The following EPHA3 variants were observed in gnomAD, a reference collection of about 807,000 sequenced individuals.
EPHA3 encodes the protein EPH receptor A3.
In EPHA3, 42 loss-of-function variants were observed where a neutral mutation model predicts 107.1. That is an observed-to-expected ratio of 0.39 (90% confidence interval 0.31 to 0.51). EPHA3 has a LOEUF of 0.51. EPHA3 is among the 20% of genes least tolerant of loss of function. The probability of loss-of-function intolerance (pLI) is 0.78; values close to 1 mark genes in which losing one functional copy is unlikely to be tolerated. For missense variants in EPHA3, 1,183 were observed against 1,211.2 expected (o/e 0.98, Z 0.35); for synonymous variants, 461 against 424.8 (o/e 1.09, Z -1.05).
chr3:89,359,180 A>G (rs1708032603), intron 5 of EPHA3, among the ~76,000 whole-genome samples: 1 of 151,208 alleles, frequency 6.6e-6, no homozygotes, highest in Non-Finnish European at 1.5e-5. Context: ...GACAATGTCT[A>G]AAGTTTAGAA....
chr3:89,345,054 G>A (rs1349965143), intron 5 of EPHA3, among the ~76,000 whole-genome samples: 9 of 151,108 alleles, frequency 6.0e-5, no homozygotes, highest in Non-Finnish European at 1.0e-4. Context: ...TTCACAGAAT[G>A]AGTATATTCA....
intron 2 of EPHA3, among the ~76,000 whole-genome samples, chr3:89,204,975 T>G (rs547667873): frequency 1.3e-5 from 2 of 152,212 alleles, no homozygotes; most frequent in Non-Finnish European, 2.9e-5. Context: ...AAATTGGTGT[T>G]TCTTATAAAC....
intron 3 of EPHA3, among the ~76,000 whole-genome samples, chr3:89,251,469 T>A (rs765684013): frequency 6.6e-6 from 1 of 152,082 alleles, no homozygotes; most frequent in Non-Finnish European, 1.5e-5. Context: ...CACTCAAATT[T>A]ATGAAAGCAT....
intron 3 of EPHA3, among the ~76,000 whole-genome samples, chr3:89,219,689 T>TGTTTTTTTTTGTTTTTTTTTTG (rs1265976438): frequency 1.8e-4 from 3 of 16,612 alleles, no homozygotes; most frequent in South Asian, 2.0e-3. Context: ...TTTGGCAATG[T>TGTTTTTTTTTGTTTTTTTTTTG]TTTTTTTTTT....
intron 2 of EPHA3, among the ~76,000 whole-genome samples, chr3:89,189,691 T>A (rs1025766493): frequency 2.0e-5 from 3 of 152,240 alleles, no homozygotes; most frequent in Admixed American, 2.0e-4. Context: ...TACTTTGAGT[T>A]CTGTATTGCT....
At chr3:89,380,288 C>T (rs1038870172) in intron 5 of EPHA3, among the ~76,000 whole-genome samples, 22 of 152,146 alleles carry the variant, frequency 1.4e-4, no homozygotes, top group African/African-American at 4.6e-4. Flanking sequence ...CAATTTCTTT[C>T]TCACTCGCCT....
chr3:89,231,929 G>T lies in EPHA3; in HGVS notation c.814+21409G>T, dbSNP rs117823638. On this transcript the variant is annotated intron_variant, in intron 3 of 16. Coordinates refer to ENST00000336596, the MANE Select transcript of EPHA3 (RefSeq NM_005233.6). Reference sequence around the variant, plus strand: ...GAAAGGTTATGATCTAATAATAATGGTTTACTTAACAAGGCTGTTAATGGA... The same window carrying T: ...GAAAGGTTATGATCTAATAATAATGTTTTACTTAACAAGGCTGTTAATGGA... Among the ~76,000 whole-genome samples the T allele has an allele frequency of 2.3e-3, 353 of 152,218 alleles. 9 individuals are homozygous for T. The East Asian group carries it at 0.061, about 26-fold the overall frequency.
At chr3:89,132,433 A>G (rs1704226516) in intron 2 of EPHA3, among the ~76,000 whole-genome samples, 1 of 152,218 alleles carries the variant, frequency 6.6e-6, no homozygotes, top group Non-Finnish European at 1.5e-5. Context: ...AGTGTTATTT[A>G]TATTTTCCAG....
intron 1 of EPHA3, among the ~76,000 whole-genome samples, chr3:89,115,482 A>G (rs1291306738): frequency 6.6e-6 from 1 of 152,140 alleles, no homozygotes; most frequent in African/African-American, 2.4e-5. Flanking sequence ...GAGCTGTGCT[A>G]TCGAGATAGC....
intron 2 of EPHA3, among the ~76,000 whole-genome samples, chr3:89,188,415 A>G (rs113358701): frequency 0.013 from 2,010 of 152,272 alleles, 40 homozygotes; most frequent in African/African-American, 0.043. Flanking sequence ...ATTTGGTGTC[A>G]GCATACTATT....
intron 13 of EPHA3, 120 bp from the exon 14 acceptor site, chr3:89,449,105 T>C: frequency 3.2e-6 from 3 of 930,050 alleles, no homozygotes; most frequent in Non-Finnish European, 2.9e-6. Flanking sequence ...TTCACAGAAA[T>C]GCATATTCCA....
rs1321368912 is a variant in EPHA3 at position 89,210,643 on chromosome 3, A to G, written c.814+123A>G. On this transcript the variant is annotated intron_variant, in intron 3 of 16. Coordinates refer to ENST00000336596, the MANE Select transcript of EPHA3 (RefSeq NM_005233.6). ...CAGGAAAACATGCCTCAAACTGACC[A>G]TAGTCTATTTATGGACTAAAATTAA... is the stretch of plus-strand genomic sequence containing the variant. 3.0e-6 allele frequency: 3 copies of G among 1,004,336 alleles called. No individual in the cohort carries two copies. In the African/African-American group the frequency reaches 4.8e-5, roughly 16 times the overall value. The allele number at this position is 1,004,336 out of a possible 1,614,324, so 62.2% of individuals were successfully genotyped here.
intron 3 of EPHA3, among the ~76,000 whole-genome samples, chr3:89,261,918 A>G (rs1408776631): frequency 1.3e-5 from 2 of 151,752 alleles, no homozygotes; most frequent in Admixed American, 6.6e-5. Context: ...CAACACACAG[A>G]CACCCACACA....
chr3:89,307,407 A>G (rs1388495095), intron 3 of EPHA3, among the ~76,000 whole-genome samples: 2 of 152,192 alleles, frequency 1.3e-5, no homozygotes, highest in African/African-American at 4.8e-5. Flanking sequence ...GAAGAAATAC[A>G]AAGTTTAAAG....
intron 3 of EPHA3, among the ~76,000 whole-genome samples, chr3:89,322,509 A>G (rs1707067271): frequency 1.3e-5 from 2 of 152,238 alleles, no homozygotes; most frequent in Middle Eastern, 3.4e-3. Context: ...AAGTATTTGA[A>G]AGTCATACAT....
At position 89,413,190 on chromosome 3, in the gene EPHA3, C is replaced by A. The variant is rs2107521976; in HGVS notation, c.1812C>A (p.Asp604Glu). Residue 604 changes from aspartate (D) to glutamate (E), a missense_variant, in exon 10 of 17, where the codon GAC (aspartate) becomes GAA (glutamate). By Grantham distance (45) the Asp-to-Glu change is conservative (BLOSUM62 2). Transcript: ENST00000336596. ...RTYVDPHTYE[D>E]PTQAVHEFAK... ...ATGTTGACCCACATACATATGAAGA[C>A]CCTACCCAAGCTGTTCATGAGTTTG... The A allele has an allele frequency of 1.2e-6, 2 of 1,611,822 alleles. No homozygotes were observed. The highest frequency in any genetic ancestry group is 2.2e-5 in the South Asian group (2 of 91,040).
intron 5 of EPHA3, among the ~76,000 whole-genome samples, chr3:89,375,773 C>T (rs1273446744): frequency 6.6e-6 from 1 of 151,878 alleles, no homozygotes; most frequent in Non-Finnish European, 1.5e-5. Flanking sequence ...ATTGTACAGA[C>T]ACAAACAAAA....
At chr3:89,168,234 A>G (rs749376642) in intron 2 of EPHA3, among the ~76,000 whole-genome samples, 4 of 152,152 alleles carry the variant, frequency 2.6e-5, no homozygotes, top group Admixed American at 2.6e-4. Flanking sequence ...AACAATTTGA[A>G]ATAATTAGTG....
chr3:89,177,432 TC>T lies in EPHA3; in HGVS notation c.154-32427del, dbSNP rs1365850208. The stretch of plus-strand genomic sequence containing the variant: ...TGAAAAAAGATTTCTCTCTCATACA[TC>T]TGCCTTCTCTCTTCTGATTTGATGT... On this transcript the variant is annotated intron_variant, in intron 2 of 16. Transcript: ENST00000336596. 5.3e-5 allele frequency among the ~76,000 whole-genome samples: 8 copies of T among 152,158 alleles called. No homozygotes were observed. In the East Asian group the frequency reaches 1.5e-3, roughly 29 times the overall value.
Sources: allele counts gnomAD v4.1 joint callset (sites outside exome capture counted in the v4.1 genomes callset), GRCh38; gene constraint gnomAD v4.1.1; transcripts MANE v1.5; gene names NCBI Gene and HGNC (gene_info 2026-07-23, HGNC 2026-07-21).